Variants in FGGY observed in about 807,000 individuals in gnomAD.
FGGY encodes the protein FGGY carbohydrate kinase domain containing, also known as FGGY carbohydrate kinase domain-containing protein.
FGGY carries 72 observed loss-of-function variants against 71.3 expected under a neutral mutation model. The observed-to-expected ratio is 1.01, with a 90% CI of 0.84 to 1.23. The LOEUF is 1.23. Among genes scored for constraint, FGGY ranks in the 50% most tolerant of loss-of-function variants. FGGY has a pLI of 0.00. For missense variants in FGGY, 668 were observed against 682.3 expected (o/e 0.98, Z 0.23); for synonymous variants, 251 against 250.3 (o/e 1.00, Z -0.02).
chr1:59,442,416 GTTTGTTTTTGTTTTTGTT>G (rs199825170), intron 5 of FGGY, among the ~76,000 whole-genome samples: 1 of 151,896 alleles, frequency 6.6e-6, no homozygotes, highest in Non-Finnish European at 1.5e-5. Flanking sequence ...TTTCCTGTTT[GTTTGTTTTTGTTTTTGTT>G]TTTGTTTTTG....
chr1:59,612,167 G>A (rs1384588362), intron 9 of FGGY, among the ~76,000 whole-genome samples: 1 of 152,154 alleles, frequency 6.6e-6, no homozygotes, highest in African/African-American at 2.4e-5. Context: ...TACTCCTCGA[G>A]AAGAGCAACT....
At chr1:59,455,228 C>T (rs1168176452) in intron 5 of FGGY, among the ~76,000 whole-genome samples, 1 of 152,088 alleles carries the variant, frequency 6.6e-6, no homozygotes, top group African/African-American at 2.4e-5. Flanking sequence ...AAAGGTATGT[C>T]CAGATTGGAA....
intron 14 of FGGY, among the ~76,000 whole-genome samples, chr1:59,713,537 C>A (rs996094733): frequency 1.3e-5 from 2 of 151,744 alleles, no homozygotes; most frequent in African/African-American, 4.8e-5. Flanking sequence ...TAAATGTAGA[C>A]TATTTAAATG....
At chr1:59,640,085 A>G (rs866040697) in intron 11 of FGGY, among the ~76,000 whole-genome samples, 39 of 152,296 alleles carry the variant, frequency 2.6e-4, no homozygotes, top group Middle Eastern at 6.8e-3. Context: ...AATCCTGGGT[A>G]TGTTTACTTT....
chr1:59,618,050 CA>C (rs1379193695), intron 9 of FGGY, among the ~76,000 whole-genome samples: 1 of 152,112 alleles, frequency 6.6e-6, no homozygotes, highest in Non-Finnish European at 1.5e-5. Flanking sequence ...TGCCTTCATT[CA>C]TTCACTCCTT....
chr1:59,689,572 G>A (rs141566049), intron 14 of FGGY, among the ~76,000 whole-genome samples: 102 of 151,254 alleles, frequency 6.7e-4, no homozygotes, highest in East Asian at 7.7e-4. Flanking sequence ...AAAAAAAAAC[G>A]TTAAGTCCTT....
intron 10 of FGGY, 112 bp downstream of exon 10, chr1:59,626,161 T>C: frequency 2.5e-6 from 2 of 788,252 alleles, no homozygotes. Flanking sequence ...AAATGCCTGT[T>C]AGTGCTTGAA....
chr1:59,314,923 T>A (rs79936181), intron 1 of FGGY, among the ~76,000 whole-genome samples: 3,391 of 152,272 alleles, frequency 0.022, 56 homozygotes, highest in Non-Finnish European at 0.035. Flanking sequence ...TCAGAGACTA[T>A]GTGTGTGATG....
At chr1:59,379,518 A>G (rs1435294221) in intron 5 of FGGY, among the ~76,000 whole-genome samples, 1 of 152,174 alleles carries the variant, frequency 6.6e-6, no homozygotes, top group Admixed American at 6.6e-5. Flanking sequence ...TTGCAGGACT[A>G]GAAGTTTCTC....
intron 11 of FGGY, among the ~76,000 whole-genome samples, chr1:59,651,209 G>GA (rs974726162): frequency 2.6e-5 from 4 of 152,118 alleles, no homozygotes; most frequent in Non-Finnish European, 4.4e-5. Flanking sequence ...GTGCGGTGCT[G>GA]AAAAAAATGT....
intron 5 of FGGY, among the ~76,000 whole-genome samples, chr1:59,438,793 T>C (rs1448769259): frequency 6.6e-6 from 1 of 152,190 alleles, no homozygotes; most frequent in Non-Finnish European, 1.5e-5. Flanking sequence ...TCTGGGGTAA[T>C]ATCTTTTGCT....
chr1:59,389,832 T>C (rs1474719082), intron 5 of FGGY, among the ~76,000 whole-genome samples: 1 of 152,222 alleles, frequency 6.6e-6, no homozygotes, highest in Non-Finnish European at 1.5e-5. Flanking sequence ...TTTTTTAAAA[T>C]ACTAGAAATC....
At chr1:59,335,378 AT>A (rs1557585635) in intron 2 of FGGY, among the ~76,000 whole-genome samples, 2 of 152,176 alleles carry the variant, frequency 1.3e-5, no homozygotes, top group African/African-American at 4.8e-5. Context: ...TGTTACATAT[AT>A]CAGTAGTTCC....
At chr1:59,590,935 C>T (rs1214745705) in intron 8 of FGGY, among the ~76,000 whole-genome samples, 3 of 152,078 alleles carry the variant, frequency 2.0e-5, no homozygotes. Flanking sequence ...GAAATTCTGG[C>T]CAGGGCAATT....
intron 6 of FGGY, among the ~76,000 whole-genome samples, chr1:59,477,144 TC>T (rs1372344068): frequency 6.6e-6 from 1 of 152,208 alleles, no homozygotes; most frequent in Admixed American, 6.5e-5. Context: ...AGGCAGCCAT[TC>T]CCAGTGGTTG....
At chr1:59,627,454 T>TTATATATATATATATATATATATATA (rs60500862) in intron 10 of FGGY, among the ~76,000 whole-genome samples, 1 of 97,332 alleles carries the variant, frequency 1.0e-5, no homozygotes, top group Admixed American at 1.3e-4. Context: ...ACTTATGATT[T>TTATATATATATATATATATATATATA]TATATATATA....
chr1:59,567,035 G>A (rs1426992538), intron 8 of FGGY, among the ~76,000 whole-genome samples: 1 of 152,116 alleles, frequency 6.6e-6, no homozygotes, highest in Non-Finnish European at 1.5e-5. Context: ...ATATATACAT[G>A]AGCATAAGGA....
chr1:59,718,425 C>T (rs1008836558), intron 14 of FGGY, among the ~76,000 whole-genome samples: 1 of 152,182 alleles, frequency 6.6e-6, no homozygotes, highest in Admixed American at 6.5e-5. Context: ...TGACTCCCTC[C>T]AGGAGAGCCA....
intron 5 of FGGY, among the ~76,000 whole-genome samples, chr1:59,446,649 T>C (rs576015260): frequency 1.5e-4 from 23 of 152,216 alleles, no homozygotes; most frequent in Non-Finnish European, 2.8e-4. Context: ...ATTCAGTCTG[T>C]TGCATGGCTT....
Sources: allele counts gnomAD v4.1 joint callset (sites outside exome capture counted in the v4.1 genomes callset), GRCh38; gene constraint gnomAD v4.1.1; transcripts MANE v1.5; gene names NCBI Gene and HGNC (gene_info 2026-07-23, HGNC 2026-07-21).